The following PAQR5 variants were observed in gnomAD, a reference collection of about 807,000 sequenced individuals.
PAQR5 encodes progestin and adipoQ receptor family member 5.
A neutral mutation model predicts 34.5 loss-of-function variants in PAQR5; 20 were observed. The observed-to-expected ratio is 0.58, with a 90% CI of 0.41 to 0.84. PAQR5 has a LOEUF of 0.84. Ranked by LOEUF, PAQR5 falls within the 40% of genes least tolerant of loss-of-function variation. The probability of loss-of-function intolerance (pLI) is 0.00; values close to 1 mark genes in which losing one functional copy is unlikely to be tolerated. For synonymous variants in PAQR5, 131 were observed against 155.6 expected (o/e 0.84, Z 1.18); for missense variants, 378 against 412.7 (o/e 0.92, Z 0.73).
chr15:69,300,621 CTTTCTTTCTTTCTTTCTTTCTTTCTTTCT>C (rs1479689830), intron 1 of PAQR5, among the ~76,000 whole-genome samples: 32 of 54,238 alleles, frequency 5.9e-4, no homozygotes, highest in African/African-American at 1.9e-3. Context: ...TTCTTTCTTT[CTTTCTTTCTTTCTTTCTTTCTTTCTTTCT>C]TTTCTTTCTT....
At chr15:69,348,526 G>A (rs1176385378) in intron 2 of PAQR5, among the ~76,000 whole-genome samples, 1 of 152,164 alleles carries the variant, frequency 6.6e-6, no homozygotes, top group African/African-American at 2.4e-5. Context: ...GCATAGGTTT[G>A]GTTCAGAGTA....
At chr15:69,345,184 G>A (rs927072088) in intron 2 of PAQR5, among the ~76,000 whole-genome samples, 5 of 151,716 alleles carry the variant, frequency 3.3e-5, no homozygotes, top group African/African-American at 1.2e-4. Flanking sequence ...AAGGAACAGT[G>A]GAAAAGCTAT....
chr15:69,386,517 G>T (rs117213877), intron 5 of PAQR5, among the ~76,000 whole-genome samples: 511 of 152,072 alleles, frequency 3.4e-3, no homozygotes, highest in Non-Finnish European at 6.0e-3. Context: ...TGATGCAGGG[G>T]TCCTTCAGGC....
intron 2 of PAQR5, among the ~76,000 whole-genome samples, chr15:69,340,078 C>T (rs1442352469): frequency 6.6e-6 from 1 of 152,056 alleles, no homozygotes; most frequent in Non-Finnish European, 1.5e-5. Context: ...GTTGGTCAGG[C>T]TGGTCTCAAA....
intron 3 of PAQR5, among the ~76,000 whole-genome samples, chr15:69,376,832 T>C (rs2055719410): frequency 6.6e-6 from 1 of 152,200 alleles, no homozygotes; most frequent in Non-Finnish European, 1.5e-5. Context: ...TGTTCCCCGC[T>C]GGCTTTTGAC....
At chr15:69,319,368 C>T (rs2054041751) in intron 1 of PAQR5, among the ~76,000 whole-genome samples, 1 of 151,014 alleles carries the variant, frequency 6.6e-6, no homozygotes, top group South Asian at 2.1e-4. Context: ...CCTTGTACTT[C>T]TGCTTGCTTT....
intron 6 of PAQR5, among the ~76,000 whole-genome samples, chr15:69,393,749 T>C (rs2056334948): frequency 6.6e-6 from 1 of 152,062 alleles, no homozygotes; most frequent in African/African-American, 2.4e-5. Context: ...TGCCCGAAAA[T>C]CAGGGTTGAA....
At chr15:69,322,046 GA>G (rs2054108492) in intron 1 of PAQR5, among the ~76,000 whole-genome samples, 1 of 151,968 alleles carries the variant, frequency 6.6e-6, no homozygotes, top group Non-Finnish European at 1.5e-5. Context: ...ATAACAAAAG[GA>G]AGAATTTTGT....
intron 3 of PAQR5, among the ~76,000 whole-genome samples, chr15:69,377,283 C>T (rs2055733317): frequency 6.6e-6 from 1 of 152,244 alleles, no homozygotes; most frequent in African/African-American, 2.4e-5. Context: ...AGAAGGCTTT[C>T]CGAGTCCTGC....
chr15:69,343,876 C>T (rs2054701180), intron 2 of PAQR5, among the ~76,000 whole-genome samples: 1 of 152,206 alleles, frequency 6.6e-6, no homozygotes, highest in Admixed American at 6.5e-5. Context: ...GGTGGCACAG[C>T]ACAGTGGAAG....
intron 2 of PAQR5, among the ~76,000 whole-genome samples, chr15:69,359,325 G>A (rs540731265): frequency 1.4e-4 from 21 of 152,212 alleles, no homozygotes; most frequent in East Asian, 7.7e-4. Flanking sequence ...AGGATGAGCC[G>A]CAGACAAAAC....
At chr15:69,376,089 C>A (rs887975202) in intron 3 of PAQR5, among the ~76,000 whole-genome samples, 1 of 152,146 alleles carries the variant, frequency 6.6e-6, no homozygotes, top group Non-Finnish European at 1.5e-5. Context: ...GCTCCTAGTT[C>A]CTGGAGGTTC....
chr15:69,372,934 C>T (rs2055603481), intron 3 of PAQR5, among the ~76,000 whole-genome samples: 1 of 152,158 alleles, frequency 6.6e-6, no homozygotes, highest in Non-Finnish European at 1.5e-5. Context: ...ATCTTACAGT[C>T]CTGTAGGTTA....
rs981997069 is a variant in PAQR5 at position 69,322,476 on chromosome 15, C to A, written c.-276-14865C>A. ...AGAGGGAGACCCCGTCTCAAAAAAA[C>A]CAAAAATAAAAAACAAGAAAAAAAC... On this transcript the variant is annotated intron_variant, in intron 1 of 8. Coordinates refer to ENST00000395407, the MANE Select transcript of PAQR5 (RefSeq NM_017705.4). 9.5e-5 allele frequency among the ~76,000 whole-genome samples: 14 copies of A among 146,730 alleles called. 2 individuals are homozygous for A. Among genetic ancestry groups the A allele is most frequent in the East Asian group, 6.3e-4 (3 of 4,800 alleles).
chr15:69,359,320 G>T (rs768511876), intron 2 of PAQR5, among the ~76,000 whole-genome samples: 54 of 152,146 alleles, frequency 3.5e-4, no homozygotes, highest in Non-Finnish European at 6.8e-4. Context: ...GTCACAGGAT[G>T]AGCCGCAGAC....
chr15:69,390,979 A>G (rs1044934428), intron 6 of PAQR5, among the ~76,000 whole-genome samples: 3 of 152,094 alleles, frequency 2.0e-5, no homozygotes, highest in Admixed American at 6.5e-5. Flanking sequence ...AATCTCCCAA[A>G]TGGTTGTGTT....
At chr15:69,336,818 T>G (rs2054525101) in intron 1 of PAQR5, among the ~76,000 whole-genome samples, 1 of 152,242 alleles carries the variant, frequency 6.6e-6, no homozygotes, top group South Asian at 2.1e-4. Context: ...TATGGGAAAC[T>G]TCTATAATTC....
At chr15:69,382,368 C>T (rs960566515) in intron 4 of PAQR5, among the ~76,000 whole-genome samples, 7 of 151,974 alleles carry the variant, frequency 4.6e-5, no homozygotes, top group East Asian at 1.9e-4. Context: ...GACAGGCGGC[C>T]GGGCGCAGTG....
intron 3 of PAQR5, chr15:69,379,618 C>T (rs2055823282): frequency 1.0e-6 from 1 of 981,036 alleles, no homozygotes; most frequent in Non-Finnish European, 1.2e-6. Context: ...AGTAAGTACG[C>T]CGGGGAATGC....
Sources: gnomAD v4.1 joint callset for allele counts (sites outside exome capture counted in the v4.1 genomes callset) on GRCh38, gnomAD v4.1.1 for gene constraint, MANE v1.5 for transcripts, NCBI Gene and HGNC (gene_info 2026-07-23, HGNC 2026-07-21) for gene names.